The following UNC93A variants were observed in gnomAD, a reference collection of about 807,000 sequenced individuals.
UNC93A encodes the protein unc-93 homolog A.
Under a neutral mutation model 47.5 loss-of-function variants are expected in UNC93A, and 43 were observed. The observed-to-expected ratio is 0.91, with a 90% CI of 0.71 to 1.17. The LOEUF is 1.17. Among genes scored for constraint, UNC93A ranks in the 50% most tolerant of loss-of-function variants. The probability of loss-of-function intolerance (pLI) is 0.00; values close to 1 mark genes in which losing one functional copy is unlikely to be tolerated. For missense variants in UNC93A, 605 were observed against 577.6 expected, an observed-to-expected ratio of 1.05 and a Z score of -0.49; for synonymous variants, 280 against 258.0, an observed-to-expected ratio of 1.09 and a Z score of -0.82.
chr6:167,295,465 C>A (rs188699494), intron 2 of UNC93A, among the ~76,000 whole-genome samples: 2,152 of 93,376 alleles, frequency 0.023, 88 homozygotes, highest in East Asian at 0.11. Flanking sequence ...CTCCCTCGTG[C>A]TCCTCGCCTC....
chr6:167,288,380 C>T (rs1332602119), upstream of UNC93A, among the ~76,000 whole-genome samples: 1 of 151,852 alleles, frequency 6.6e-6, no homozygotes, highest in Non-Finnish European at 1.5e-5. Flanking sequence ...ATTTAAGATG[C>T]TTTGGAACAT....
intron 7 of UNC93A, among the ~76,000 whole-genome samples, chr6:167,311,373 C>T (rs1778551938): frequency 6.6e-6 from 1 of 152,200 alleles, no homozygotes; most frequent in Admixed American, 6.5e-5. Flanking sequence ...CTCACTGTCC[C>T]ACTGGGCTCC....
Position 167,307,786 on chromosome 6 carries a change from G to C in UNC93A, c.984G>C (p.Val328=), listed in dbSNP as rs1434272413. Reference sequence around the variant, plus strand: ...TCCCCTCTGCACCCCCAGGCGCGGTGACCCACGTGTCCTGCATGATTGCCC... The same window carrying C: ...TCCCCTCTGCACCCCCAGGCGCGGTCACCCACGTGTCCTGCATGATTGCCC... The part of the protein sequence containing the change: ...GRAVLYVLGA[V]THVSCMIALL... The change falls in exon 7 of 8, where the codon GTG becomes GTC. Residue 328 remains valine, a synonymous_variant. Coordinates refer to ENST00000230256, the MANE Select transcript of UNC93A (RefSeq NM_018974.4). The C allele has an allele frequency of 4.4e-6, 7 of 1,593,272 alleles. No homozygotes were observed. In the Middle Eastern group the frequency reaches 6.6e-4, roughly 151 times the overall value.
chr6:167,284,670 C>T (rs189556062), intron 1 of UNC93A, among the ~76,000 whole-genome samples: 84 of 152,406 alleles, frequency 5.5e-4, no homozygotes, highest in African/African-American at 1.9e-3. Flanking sequence ...GTAAGAAAAA[C>T]ACAGGATATT....
At chr6:167,310,279 C>T (rs1185261923) in intron 7 of UNC93A, among the ~76,000 whole-genome samples, 1 of 152,298 alleles carries the variant, frequency 6.6e-6, no homozygotes, top group Non-Finnish European at 1.5e-5. Context: ...GGACAAATAT[C>T]CCCACAATAT....
intron 1 of UNC93A, among the ~76,000 whole-genome samples, chr6:167,275,084 T>C (rs1783517205): frequency 6.6e-6 from 1 of 152,148 alleles, no homozygotes; most frequent in Non-Finnish European, 1.5e-5. Context: ...CCTCCTTCCA[T>C]AGGAGCTGAC....
intron 1 of UNC93A, among the ~76,000 whole-genome samples, chr6:167,284,533 C>T (rs1242120934): frequency 2.0e-5 from 3 of 152,286 alleles, no homozygotes; most frequent in Non-Finnish European, 2.9e-5. Context: ...CCATCCTCTC[C>T]GCTAAGCCCT....
Position 167,312,807 on chromosome 6 carries a change from A to G in UNC93A, c.1109-2380A>G, listed in dbSNP as rs551772580. ...GGGTAGTTCCATGCAATTCAAAACAATAAATGCATTGCTTTCTTTATGTTT... is the reference window on the plus strand; with the variant it reads ...GGGTAGTTCCATGCAATTCAAAACAGTAAATGCATTGCTTTCTTTATGTTT... On this transcript the variant is annotated intron_variant, in intron 7 of 7. Coordinates refer to ENST00000230256, the MANE Select transcript of UNC93A (RefSeq NM_018974.4). Among the ~76,000 whole-genome samples the G allele has an allele frequency of 5.9e-5, 9 of 152,342 alleles. No individual in the cohort carries two copies. In the South Asian group the frequency reaches 6.2e-4, roughly 11 times the overall value.
chr6:167,308,888 A>G (rs1198913204), intron 7 of UNC93A, among the ~76,000 whole-genome samples: 1 of 152,092 alleles, frequency 6.6e-6, no homozygotes, highest in African/African-American at 2.4e-5. Flanking sequence ...AGAAGGTGAC[A>G]TCCCATGATG....
At chr6:167,305,539 A>AT (rs1295851377) in intron 5 of UNC93A, among the ~76,000 whole-genome samples, 4 of 147,528 alleles carry the variant, frequency 2.7e-5, no homozygotes, top group Non-Finnish European at 5.9e-5. Context: ...CAATCTTTTC[A>AT]TTTTCTCTTT....
At chr6:167,281,878 G>T (rs1783640184) in intron 1 of UNC93A, among the ~76,000 whole-genome samples, 1 of 152,188 alleles carries the variant, frequency 6.6e-6, no homozygotes, top group Non-Finnish European at 1.5e-5. Context: ...TCCTTTCAGA[G>T]GAGATAAGGA....
intron 7 of UNC93A, among the ~76,000 whole-genome samples, chr6:167,313,694 C>T (rs1346015038): frequency 2.0e-5 from 3 of 152,016 alleles, no homozygotes; most frequent in Non-Finnish European, 2.9e-5. Context: ...TCTGGTTTTC[C>T]GACCTGCCCA....
chr6:167,282,956 G>A (rs1490160691), intron 1 of UNC93A, among the ~76,000 whole-genome samples: 1 of 152,194 alleles, frequency 6.6e-6, no homozygotes, highest in Non-Finnish European at 1.5e-5. Flanking sequence ...ATAGAAAGGA[G>A]TGTCTAGGTT....
At chr6:167,279,844 A>G (rs1272165045) in intron 1 of UNC93A, among the ~76,000 whole-genome samples, 2 of 152,242 alleles carry the variant, frequency 1.3e-5, no homozygotes, top group Non-Finnish European at 2.9e-5. Flanking sequence ...AGAAGTTGGC[A>G]TGCATAAAAG....
At chr6:167,312,635 C>T (rs1778592719) in intron 7 of UNC93A, among the ~76,000 whole-genome samples, 1 of 152,224 alleles carries the variant, frequency 6.6e-6, no homozygotes. Flanking sequence ...TCTCCGGCAG[C>T]CAGAAGCCTG....
At chr6:167,291,824 G>T (rs1230247421) in intron 1 of UNC93A, among the ~76,000 whole-genome samples, 1 of 152,150 alleles carries the variant, frequency 6.6e-6, no homozygotes, top group African/African-American at 2.4e-5. Flanking sequence ...GGACAGCAGG[G>T]GTCTTGGGAC....
At chr6:167,297,602 C>T (rs986992087) in intron 3 of UNC93A, among the ~76,000 whole-genome samples, 1 of 152,166 alleles carries the variant, frequency 6.6e-6, no homozygotes, top group Non-Finnish European at 1.5e-5. Flanking sequence ...ATCTCATGTA[C>T]TTTTTTCTTT....
intron 1 of UNC93A, among the ~76,000 whole-genome samples, chr6:167,273,588 G>A (rs537571867): frequency 6.6e-5 from 10 of 152,340 alleles, no homozygotes; most frequent in Non-Finnish European, 1.2e-4. Flanking sequence ...CCAAACGTGA[G>A]TGACCATGGC....
rs73039069 is a variant in UNC93A at position 167,307,469 on chromosome 6, C to T, written c.977-310C>T. Among the ~76,000 whole-genome samples the T allele has an allele frequency of 4.7e-3, 102 of 21,556 alleles. 1 individual carries two copies. The highest frequency in any genetic ancestry group is 0.032 in the South Asian group (12 of 376). 14.1% of individuals were successfully genotyped at this position (21,556 alleles called of 152,430 possible). On this transcript the variant is annotated intron_variant, in intron 6 of 7. Transcript: ENST00000230256. ...AGTTCCAGAGGACGGTTCCAGAGGACGGTTGAGATGGTTCCAGAGGATGGT... is the reference window on the plus strand; with the variant it reads ...AGTTCCAGAGGACGGTTCCAGAGGATGGTTGAGATGGTTCCAGAGGATGGT...
Sources: allele counts gnomAD v4.1 joint callset (sites outside exome capture counted in the v4.1 genomes callset), GRCh38; gene constraint gnomAD v4.1.1; transcripts MANE v1.5; gene names NCBI Gene and HGNC (gene_info 2026-07-23, HGNC 2026-07-21).